TMEM163: variants seen among roughly 807,000 people sequenced by gnomAD.
TMEM163 encodes transmembrane protein 163.
A neutral mutation model predicts 29.3 loss-of-function variants in TMEM163; 17 were observed. The ratio of observed to expected loss-of-function variants is 0.58; its 90% CI spans 0.40 to 0.87. TMEM163 has a LOEUF of 0.87. Among genes scored for constraint, TMEM163 ranks in the 40% least tolerant of loss-of-function variants. TMEM163 has a pLI of 0.00. For missense variants in TMEM163, 303 were observed against 381.5 expected (o/e 0.79, Z 1.71); for synonymous variants, 157 against 160.6 (o/e 0.98, Z 0.17).
intron 2 of TMEM163, among the ~76,000 whole-genome samples, chr2:134,590,469 A>G (rs922406673): frequency 4.6e-5 from 7 of 152,212 alleles, no homozygotes; most frequent in African/African-American, 7.2e-5. Context: ...GGTCAGTATT[A>G]TTTCTTCTGT....
intron 2 of TMEM163, among the ~76,000 whole-genome samples, chr2:134,648,350 C>CTCTTCTCTTCTCT (rs1553489011): frequency 1.3e-5 from 2 of 151,822 alleles, no homozygotes; most frequent in African/African-American, 2.4e-5. Flanking sequence ...CTCTTCTCTG[C>CTCTTCTCTTCTCT]TGTGTGGAAC....
At chr2:134,525,175 G>C (rs1016963865) in intron 4 of TMEM163, among the ~76,000 whole-genome samples, 14 of 152,174 alleles carry the variant, frequency 9.2e-5, no homozygotes, top group African/African-American at 3.4e-4. Context: ...TCTTCAAAAG[G>C]ATAAATTAGT....
intron 2 of TMEM163, among the ~76,000 whole-genome samples, chr2:134,630,283 T>G (rs1682938293): frequency 6.6e-6 from 1 of 151,724 alleles, no homozygotes; most frequent in Non-Finnish European, 1.5e-5. Context: ...AGGGTAGGTT[T>G]CTCAGAAATG....
intron 1 of TMEM163, among the ~76,000 whole-genome samples, chr2:134,715,127 C>A (rs1253704191): frequency 6.6e-6 from 1 of 152,180 alleles, no homozygotes; most frequent in Non-Finnish European, 1.5e-5. Flanking sequence ...TTGTCATCCA[C>A]TGAGGTAAAA....
At chr2:134,530,288 T>C (rs111883074) in intron 4 of TMEM163, among the ~76,000 whole-genome samples, 11 of 152,238 alleles carry the variant, frequency 7.2e-5, no homozygotes, top group African/African-American at 2.6e-4. Flanking sequence ...AATATATACA[T>C]TGAGACACGG....
At chr2:134,617,937 C>T (rs1344565786) in intron 2 of TMEM163, among the ~76,000 whole-genome samples, 1 of 151,868 alleles carries the variant, frequency 6.6e-6, no homozygotes, top group Non-Finnish European at 1.5e-5. Flanking sequence ...ATAGTAAGAC[C>T]CCATCTCTAC....
chr2:134,688,320 A>G (rs1684389746), intron 2 of TMEM163, among the ~76,000 whole-genome samples: 1 of 151,962 alleles, frequency 6.6e-6, no homozygotes, highest in Non-Finnish European at 1.5e-5. Context: ...GGTGTCTCCA[A>G]ACTCATGAAG....
chr2:134,671,459 G>A (rs1171842131), intron 2 of TMEM163, among the ~76,000 whole-genome samples: 1 of 152,122 alleles, frequency 6.6e-6, no homozygotes, highest in African/African-American at 2.4e-5. Context: ...CTCCAGCCTG[G>A]CTCTACAGGA....
chr2:134,500,054 A>T (rs149053468), intron 5 of TMEM163, among the ~76,000 whole-genome samples: 9 of 152,298 alleles, frequency 5.9e-5, no homozygotes, highest in Non-Finnish European at 7.3e-5. Flanking sequence ...CACTCAGAAG[A>T]CATGATGATG....
chr2:134,650,128 T>C (rs192532239), intron 2 of TMEM163, among the ~76,000 whole-genome samples: 6 of 152,094 alleles, frequency 3.9e-5, no homozygotes, highest in Admixed American at 3.3e-4. Flanking sequence ...ACAACCACAT[T>C]TTTGTGTTTA....
chr2:134,505,468 A>G (rs746135632), intron 4 of TMEM163, among the ~76,000 whole-genome samples: 28 of 152,054 alleles, frequency 1.8e-4, no homozygotes, highest in Non-Finnish European at 3.5e-4. Flanking sequence ...AGGCTGAGAT[A>G]GAAGCGACAT....
At chr2:134,592,531 C>A (rs905587700) in intron 2 of TMEM163, among the ~76,000 whole-genome samples, 15 of 152,054 alleles carry the variant, frequency 9.9e-5, no homozygotes, top group Non-Finnish European at 2.1e-4. Flanking sequence ...GTGTTAGGAT[C>A]TCTATTTTAA....
At chr2:134,532,079 A>T (rs1052285132) in intron 4 of TMEM163, among the ~76,000 whole-genome samples, 6 of 152,224 alleles carry the variant, frequency 3.9e-5, no homozygotes, top group African/African-American at 1.4e-4. Flanking sequence ...CACAGGTAGG[A>T]TGGACTCAGT....
At chr2:134,695,610 C>A (rs764952247) in intron 2 of TMEM163, among the ~76,000 whole-genome samples, 1 of 152,080 alleles carries the variant, frequency 6.6e-6, no homozygotes, top group Admixed American at 6.6e-5. Flanking sequence ...TACCAAGATA[C>A]AGTTGTTTTA....
chr2:134,713,130 TC>T, intron 2 of TMEM163, 69 bp downstream of exon 2: 1 of 1,570,754 alleles, frequency 6.4e-7, no homozygotes, highest in Non-Finnish European at 8.6e-7. Context: ...CAAAAGCACA[TC>T]CCACAGGAAT....
intron 2 of TMEM163, among the ~76,000 whole-genome samples, chr2:134,579,038 T>G (rs1681630023): frequency 6.6e-6 from 1 of 152,134 alleles, no homozygotes; most frequent in African/African-American, 2.4e-5. Flanking sequence ...AAAGTGAAGT[T>G]TCCAGCACCC....
At chr2:134,627,941 A>C (rs890456223) in intron 2 of TMEM163, among the ~76,000 whole-genome samples, 1 of 152,234 alleles carries the variant, frequency 6.6e-6, no homozygotes, top group African/African-American at 2.4e-5. Context: ...GCATATAAAA[A>C]TGTATAATCT....
chr2:134,605,118 A>G (rs1221053862), intron 2 of TMEM163, among the ~76,000 whole-genome samples: 1 of 150,834 alleles, frequency 6.6e-6, no homozygotes, highest in Non-Finnish European at 1.5e-5. Flanking sequence ...CGGAGGTTAC[A>G]GTGAGCTGGG....
chr2:134,682,667 A>G (rs1183360488), intron 2 of TMEM163, among the ~76,000 whole-genome samples: 2 of 152,214 alleles, frequency 1.3e-5, no homozygotes, highest in Non-Finnish European at 2.9e-5. Context: ...AGGTGGAGCG[A>G]CAGGAACCCT....
Sources: allele counts gnomAD v4.1 joint callset (sites outside exome capture counted in the v4.1 genomes callset), GRCh38; gene constraint gnomAD v4.1.1; transcripts MANE v1.5; gene names NCBI Gene and HGNC (gene_info 2026-07-23, HGNC 2026-07-21).